Variants in KHDC1 observed in about 807,000 individuals in gnomAD.
The protein encoded by KHDC1 is KH domain containing 1, also known as KH homology domain-containing protein 1.
A neutral mutation model predicts 24.7 loss-of-function variants in KHDC1; 21 were observed. The ratio of observed to expected loss-of-function variants is 0.85; its 90% CI spans 0.60 to 1.23. KHDC1 has a LOEUF of 1.23. KHDC1 is among the 50% of genes most tolerant of loss of function. The pLI is 0.00. For missense variants in KHDC1, 274 were observed against 298.5 expected (o/e 0.92, Z 0.61); for synonymous variants, 98 against 111.7 (o/e 0.88, Z 0.77).
At chr6:73,255,667 C>T (rs1328371280) in intron 2 of KHDC1, among the ~76,000 whole-genome samples, 3 of 148,694 alleles carry the variant, frequency 2.0e-5, no homozygotes, top group East Asian at 2.1e-4. Context: ...TTTGGGAGGC[C>T]GAGGTGGGCA....
exon 5 of KHDC1, chr6:73,241,366 T>A (rs1766560707): frequency 1.6e-6 from 1 of 637,612 alleles, no homozygotes; most frequent in Non-Finnish European, 2.8e-6. Flanking sequence ...TAACACTTTC[T>A]TACATTCAAG....
exon 1 of KHDC1, chr6:73,309,750 A>G: frequency 6.5e-7 from 1 of 1,548,624 alleles, no homozygotes; most frequent in Non-Finnish European, 8.7e-7. Flanking sequence ...AGGGTGCGCT[A>G]AGGCACGAGT....
chr6:73,266,122 T>C (rs1767075799), intron 2 of KHDC1, among the ~76,000 whole-genome samples: 1 of 152,146 alleles, frequency 6.6e-6, no homozygotes, highest in Non-Finnish European at 1.5e-5. Context: ...AAAATAAACT[T>C]AGAAGCAAAG....
At chr6:73,305,984 T>C (rs1767955391) in intron 1 of KHDC1, among the ~76,000 whole-genome samples, 1 of 152,052 alleles carries the variant, frequency 6.6e-6, no homozygotes, top group Non-Finnish European at 1.5e-5. Context: ...ATTGAGCAAA[T>C]TATATTTTTA....
intron 2 of KHDC1, among the ~76,000 whole-genome samples, chr6:73,259,437 C>T (rs1213279565): frequency 6.6e-6 from 1 of 152,084 alleles, no homozygotes; most frequent in Non-Finnish European, 1.5e-5. Flanking sequence ...ACTAGGACTA[C>T]AGCCATGCAC....
At chr6:73,265,605 T>A (rs1052412860) in intron 2 of KHDC1, among the ~76,000 whole-genome samples, 1 of 150,220 alleles carries the variant, frequency 6.7e-6, no homozygotes. Flanking sequence ...GAATGGAGAC[T>A]AAGGGCTCTT....
At chr6:73,262,954 G>A (rs1180677834) in intron 2 of KHDC1, 2 of 991,764 alleles carry the variant, frequency 2.0e-6, no homozygotes, top group Non-Finnish European at 2.4e-6. Flanking sequence ...ACCACAGGGG[G>A]GTCAGGTAGC....
At chr6:73,309,717 C>A in exon 1 of KHDC1, 1 of 1,549,890 alleles carries the variant, frequency 6.5e-7, no homozygotes, top group South Asian at 1.2e-5. Context: ...GACAGCATTT[C>A]GCGTTTCTGG....
At chr6:73,278,169 G>A (rs1007699997) in intron 2 of KHDC1, among the ~76,000 whole-genome samples, 11 of 147,362 alleles carry the variant, frequency 7.5e-5, no homozygotes, top group African/African-American at 2.0e-4. Context: ...AAGCCACCAC[G>A]CCTGGCCAAT....
intron 2 of KHDC1, chr6:73,275,504 G>GCAGGTTTA (rs1270895518): frequency 6.0e-6 from 1 of 167,140 alleles, no homozygotes; most frequent in African/African-American, 2.4e-5. Context: ...CCTCACTGGT[G>GCAGGTTTA]CAGGTTTAGG....
chr6:73,292,674 G>A lies in KHDC1; in HGVS notation c.164-634C>T, dbSNP rs557629344. 3.2e-4 allele frequency: 240 copies of A among 750,988 alleles called. 7 individuals are homozygous for A. The highest frequency in any genetic ancestry group is 3.1e-3 in the South Asian group (228 of 73,004). 46.5% of individuals were successfully genotyped at this position (750,988 alleles called of 1,614,324 possible). ...ATATTGTTGATCTCTTCCTTTACCA[G>A]CCACAGCATCTTAATGTGTCCACAC... On this transcript the variant is annotated intron_variant, in intron 1 of 4. Transcript: ENST00000370384.
chr6:73,253,340 G>A (rs917592858), intron 2 of KHDC1, among the ~76,000 whole-genome samples: 5 of 151,902 alleles, frequency 3.3e-5, no homozygotes, highest in Non-Finnish European at 5.9e-5. Context: ...TGGATCACAA[G>A]GTCAGGAGAT....
rs76325428 is a variant in KHDC1 at position 73,296,487 on chromosome 6, G to A, written c.164-4447C>T. 8.8e-4 allele frequency among the ~76,000 whole-genome samples: 134 copies of A among 152,200 alleles called. 2 individuals are homozygous for A. In the East Asian group the frequency reaches 0.023, roughly 26 times the overall value. ...AAACACACACATACACAAATCTAAT[G>A]TATCAGATATCCTTAAATGCTTCTA... On this transcript the variant is annotated intron_variant, in intron 1 of 4. Coordinates refer to ENST00000370384, the Ensembl canonical transcript of KHDC1.
intron 2 of KHDC1, among the ~76,000 whole-genome samples, chr6:73,244,511 C>G (rs942703759): frequency 6.6e-6 from 1 of 151,912 alleles, no homozygotes; most frequent in Non-Finnish European, 1.5e-5. Flanking sequence ...CAGAAGAAAC[C>G]TGTAGAAGAA....
intron 2 of KHDC1, among the ~76,000 whole-genome samples, chr6:73,282,441 C>A (rs542220422): frequency 6.6e-6 from 1 of 152,042 alleles, no homozygotes; most frequent in African/African-American, 2.4e-5. Flanking sequence ...CATTCCTGGG[C>A]TTAGGCTCAA....
chr6:73,255,535 T>C lies in KHDC1; in HGVS notation c.207-13005A>G, dbSNP rs1354456140. Among the ~76,000 whole-genome samples the C allele has an allele frequency of 7.3e-5, 11 of 150,312 alleles. No homozygotes were observed. In the East Asian group the frequency reaches 1.6e-3, roughly 22 times the overall value. On this transcript the variant is annotated intron_variant, in intron 2 of 4. Transcript: ENST00000370384. ...CCACACCTGGCTTTTTTTTTTTTTT[T>C]CCAACCAGTTTCCTCAAGAAAATGC...
chr6:73,271,046 A>AG lies in KHDC1; in HGVS notation c.206+20951_206+20952insC, dbSNP rs1562252010. ...TATTTTCATCGTTAATTAGTAAATG[A>AG]TGGCAGTGTTTTTCAGACTGCAAGT... On this transcript the variant is annotated intron_variant, in intron 2 of 4. Coordinates refer to ENST00000370384, the Ensembl canonical transcript of KHDC1. Among the ~76,000 whole-genome samples, 29 of 152,096 alleles carry AG rather than the reference A, an allele frequency of 1.9e-4. 1 individual carries two copies. The highest frequency in any genetic ancestry group is 1.7e-3 in the Admixed American group (26 of 15,248).
At chr6:73,304,476 T>C (rs1447658750) in intron 1 of KHDC1, among the ~76,000 whole-genome samples, 1 of 152,148 alleles carries the variant, frequency 6.6e-6, no homozygotes, top group Admixed American at 6.6e-5. Context: ...TTTATAAATA[T>C]ATGTAATAGA....
chr6:73,308,622 C>T (rs959349377), intron 1 of KHDC1, among the ~76,000 whole-genome samples: 11 of 151,782 alleles, frequency 7.2e-5, no homozygotes, highest in Non-Finnish European at 1.2e-4. Flanking sequence ...GTGATCCTCC[C>T]GAGTAGCTGG....
Sources: gnomAD v4.1 joint callset for allele counts (sites outside exome capture counted in the v4.1 genomes callset) on GRCh38, gnomAD v4.1.1 for gene constraint, MANE v1.5 for transcripts, NCBI Gene and HGNC (gene_info 2026-07-23, HGNC 2026-07-21) for gene names.